The following FCHO2 variants were observed in gnomAD, a reference collection of about 807,000 sequenced individuals.
FCHO2 encodes the protein FCH and mu domain containing endocytic adaptor 2, also known as F-BAR domain only protein 2.
Under a neutral mutation model 114.1 loss-of-function variants are expected in FCHO2, and 43 were observed. The ratio of observed to expected loss-of-function variants is 0.38; its 90% CI spans 0.30 to 0.49. FCHO2 has a LOEUF of 0.49. FCHO2 is among the 20% of genes least tolerant of loss of function. The pLI is 0.97. For missense variants in FCHO2, 807 were observed against 950.4 expected, an observed-to-expected ratio of 0.85 and a Z score of 1.98; for synonymous variants, 293 against 315.2, an observed-to-expected ratio of 0.93 and a Z score of 0.75.
intron 2 of FCHO2, among the ~76,000 whole-genome samples, chr5:72,979,986 A>G (rs1311017437): frequency 6.6e-6 from 1 of 151,978 alleles, no homozygotes; most frequent in Admixed American, 6.6e-5. Context: ...GTCTTCTGCT[A>G]GCTTTTGAAT....
intron 12 of FCHO2, 65 bp from the exon 13 acceptor site, chr5:73,052,267 A>C (rs1459161072): frequency 7.0e-7 from 1 of 1,423,312 alleles, no homozygotes; most frequent in East Asian, 2.4e-5. Context: ...TTTTTAAAAT[A>C]AATGTGTGAA....
At chr5:73,065,499 C>G (rs1486159595) in intron 18 of FCHO2, among the ~76,000 whole-genome samples, 2 of 151,892 alleles carry the variant, frequency 1.3e-5, no homozygotes. Context: ...ATTAGCTGAG[C>G]AACATTAAAC....
chr5:73,052,363 T>G lies in FCHO2; in HGVS notation c.1029T>G (p.Ser343Arg), dbSNP rs976383255. The change falls in exon 13 of 26, where the codon AGT becomes AGG. Residue 343 changes from serine to arginine, a missense_variant. Coordinates refer to ENST00000430046, the MANE Select transcript of FCHO2 (RefSeq NM_138782.3). ...DTKENHFYSS[S>R]DSDSEDEEPK... Reference sequence around the variant, plus strand: ...AAGAGAACCATTTCTACTCATCTAGTGATTCTGACTCCGAAGATGAAGAAC... The same window carrying G: ...AAGAGAACCATTTCTACTCATCTAGGGATTCTGACTCCGAAGATGAAGAAC... The G allele has an allele frequency of 6.2e-7, 1 of 1,609,106 alleles. No homozygotes were observed.
intron 3 of FCHO2, 22 bp from the exon 4 acceptor site, chr5:72,990,456 C>A (rs1753757188): frequency 6.8e-7 from 1 of 1,475,332 alleles, no homozygotes; most frequent in South Asian, 1.4e-5. Flanking sequence ...ATAAGTTATT[C>A]CCATATTTTT....
chr5:73,089,197 A>C lies in FCHO2; in HGVS notation c.*1107A>C, dbSNP rs1743407161. ...TGTGAATTTTAAAACAAATTCTAAAAAAACTATAGTGCTAAATTGGTAACT... is the reference window on the plus strand; with the variant it reads ...TGTGAATTTTAAAACAAATTCTAAACAAACTATAGTGCTAAATTGGTAACT... On this transcript the variant is annotated 3_prime_UTR_variant, in exon 26 of 26. Coordinates refer to ENST00000430046, the MANE Select transcript of FCHO2 (RefSeq NM_138782.3). 4 of 152,586 alleles carry C rather than the reference A, an allele frequency of 2.6e-5. No homozygotes were observed. The highest frequency in any genetic ancestry group is 2.6e-4 in the Admixed American group (4 of 15,268). 9.5% of individuals were successfully genotyped at this position (152,586 alleles called of 1,614,324 possible).
intron 2 of FCHO2, among the ~76,000 whole-genome samples, chr5:72,975,259 G>T (rs867820144): frequency 1.3e-5 from 2 of 152,154 alleles, no homozygotes; most frequent in African/African-American, 2.4e-5. Context: ...GGAACAATAG[G>T]ATAATCATAT....
chr5:73,024,471 G>A (rs528891146), intron 8 of FCHO2, among the ~76,000 whole-genome samples: 1 of 150,044 alleles, frequency 6.7e-6, no homozygotes, highest in African/African-American at 2.5e-5. Flanking sequence ...TCGGAGTCTC[G>A]CTCCGTCGCC....
chr5:73,083,111 C>A (rs1743178789), intron 24 of FCHO2, among the ~76,000 whole-genome samples: 1 of 151,994 alleles, frequency 6.6e-6, no homozygotes, highest in Non-Finnish European at 1.5e-5. Flanking sequence ...GTCTCGATCT[C>A]CTGACCTCGT....
intron 11 of FCHO2, among the ~76,000 whole-genome samples, chr5:73,050,525 G>T (rs558179904): frequency 6.6e-6 from 1 of 151,950 alleles, no homozygotes; most frequent in East Asian, 1.9e-4. Flanking sequence ...CACCATTTTG[G>T]CCAGGATGAT....
chr5:73,010,109 C>A lies in FCHO2; in HGVS notation c.600+3560C>A, dbSNP rs1046180222. On this transcript the variant is annotated intron_variant, in intron 6 of 25. Transcript: ENST00000430046. Reference sequence around the variant, plus strand: ...TTACTTCTCCACTTAACTGTTTTTCCAGGCCAGCTGGGTTGACCAGTCTCA... The same window carrying A: ...TTACTTCTCCACTTAACTGTTTTTCAAGGCCAGCTGGGTTGACCAGTCTCA... Among the ~76,000 whole-genome samples, 126 of 152,184 alleles carry A rather than the reference C, an allele frequency of 8.3e-4. 1 individual carries two copies. Among genetic ancestry groups the A allele is most frequent in the African/African-American group, 3.0e-3 (124 of 41,526 alleles).
rs1211455953 is a variant in FCHO2, at chr5:73,027,561, A to G, written c.797-7096A>G. Reference sequence around the variant, plus strand: ...GAAGTTTTGTAGTTTAGAAGGACACAGGTGATAACCTGAAAAGAGTTCCCA... The same window carrying G: ...GAAGTTTTGTAGTTTAGAAGGACACGGGTGATAACCTGAAAAGAGTTCCCA... On this transcript the variant is annotated intron_variant, in intron 8 of 25. Coordinates refer to ENST00000430046, the MANE Select transcript of FCHO2 (RefSeq NM_138782.3). Among the ~76,000 whole-genome samples, 4 of 152,148 alleles carry G rather than the reference A, an allele frequency of 2.6e-5. 1 individual carries two copies. The highest frequency in any genetic ancestry group is 5.9e-5 in the Non-Finnish European group (4 of 68,030).
intron 8 of FCHO2, among the ~76,000 whole-genome samples, chr5:73,017,559 G>T (rs1014083401): frequency 6.6e-6 from 1 of 151,872 alleles, no homozygotes; most frequent in Non-Finnish European, 1.5e-5. Context: ...GGCTTTTAGT[G>T]GTTAATACAA....
intron 8 of FCHO2, among the ~76,000 whole-genome samples, chr5:73,017,720 G>A (rs1055988702): frequency 1.3e-5 from 2 of 152,016 alleles, no homozygotes; most frequent in African/African-American, 4.8e-5. Flanking sequence ...TGAGACCAAC[G>A]TAGAACCTTT....
At chr5:73,012,733 C>T (rs1340398747) in intron 6 of FCHO2, among the ~76,000 whole-genome samples, 1 of 151,934 alleles carries the variant, frequency 6.6e-6, no homozygotes, top group Non-Finnish European at 1.5e-5. Context: ...TATGTATACT[C>T]AAGCATTTGA....
At chr5:73,074,663 AACAATGTGAATCTAACTATCTTGATAT>A in intron 19 of FCHO2, 52 bp from the exon 20 acceptor site, 1 of 1,344,412 alleles carries the variant, frequency 7.4e-7, no homozygotes, top group Non-Finnish European at 1.0e-6. Context: ...GTGACAGCCT[AACAATGTGAATCTAACTATCTTGATAT>A]TTAATTTATG....
intron 11 of FCHO2, among the ~76,000 whole-genome samples, chr5:73,042,562 T>C (rs1482507417): frequency 1.3e-5 from 2 of 152,152 alleles, no homozygotes; most frequent in East Asian, 3.8e-4. Context: ...TACAAAAGAA[T>C]ACAGAATTCT....
chr5:73,082,504 C>T (rs1743153206), intron 23 of FCHO2, among the ~76,000 whole-genome samples: 1 of 152,154 alleles, frequency 6.6e-6, no homozygotes, highest in Non-Finnish European at 1.5e-5. Flanking sequence ...GATCCCTATA[C>T]ACATTCCATT....
At chr5:73,024,994 G>T (rs985467326) in intron 8 of FCHO2, among the ~76,000 whole-genome samples, 15 of 152,136 alleles carry the variant, frequency 9.9e-5, no homozygotes, top group African/African-American at 2.9e-4. Context: ...TAATAGGGAA[G>T]CCAAGAACGG....
chr5:73,068,611 T>C (rs752282154), intron 18 of FCHO2, 39 bp from the exon 19 acceptor site: 1 of 1,597,572 alleles, frequency 6.3e-7, no homozygotes, highest in South Asian at 1.1e-5. Flanking sequence ...AAGAGAGGTA[T>C]TGTTTTAGCA....
Sources: gnomAD v4.1 joint callset for allele counts (sites outside exome capture counted in the v4.1 genomes callset) on GRCh38, gnomAD v4.1.1 for gene constraint, MANE v1.5 for transcripts, NCBI Gene and HGNC (gene_info 2026-07-23, HGNC 2026-07-21) for gene names.